SLC22A15: variants seen among roughly 807,000 people sequenced by gnomAD.
The protein encoded by SLC22A15 is solute carrier family 22 member 15, also known as flipt 1.
A neutral mutation model predicts 62.7 loss-of-function variants in SLC22A15; 45 were observed. That is an observed-to-expected ratio of 0.72 (90% CI 0.56 to 0.92). The LOEUF is 0.92. Ranked by LOEUF, SLC22A15 falls within the 40% of genes least tolerant of loss-of-function variation. The pLI is 0.00. For missense variants in SLC22A15, 622 were observed against 665.6 expected (o/e 0.93, Z 0.72); for synonymous variants, 264 against 267.0 (o/e 0.99, Z 0.11).
intron 11 of SLC22A15, 40 bp downstream of exon 11, chr1:116,066,748 G>A (rs1320829985): frequency 1.3e-6 from 2 of 1,532,344 alleles, no homozygotes; most frequent in South Asian, 1.2e-5. Context: ...CTTGGATAGT[G>A]GCAGTTAATG....
chr1:116,052,500 C>T (rs145886341), intron 8 of SLC22A15, among the ~76,000 whole-genome samples: 6,684 of 152,314 alleles, frequency 0.044, 189 homozygotes, highest in African/African-American at 0.07. Context: ...CAGCAGCAAC[C>T]TCTGCAAACT....
At chr1:116,052,351 G>A (rs534897930) in intron 8 of SLC22A15, among the ~76,000 whole-genome samples, 3 of 152,280 alleles carry the variant, frequency 2.0e-5, no homozygotes, top group South Asian at 2.1e-4. Flanking sequence ...GGGGAGGGGC[G>A]CCCGCCATTG....
At chr1:116,054,369 T>C (rs1658143014) in intron 8 of SLC22A15, among the ~76,000 whole-genome samples, 1 of 151,642 alleles carries the variant, frequency 6.6e-6, no homozygotes, top group Non-Finnish European at 1.5e-5. Flanking sequence ...CCTAAATATA[T>C]ATGCACCCAA....
At chr1:115,994,181 C>G (rs932326694) in intron 2 of SLC22A15, among the ~76,000 whole-genome samples, 22 of 146,878 alleles carry the variant, frequency 1.5e-4, no homozygotes, top group African/African-American at 6.0e-4. Context: ...ACCAGCCCCA[C>G]CACCACCACC....
At chr1:116,037,784 G>A (rs1352033036) in intron 8 of SLC22A15, among the ~76,000 whole-genome samples, 1 of 152,140 alleles carries the variant, frequency 6.6e-6, no homozygotes, top group Non-Finnish European at 1.5e-5. Flanking sequence ...TCTCAAAGGT[G>A]GCTTTGGTAC....
At chr1:116,041,350 A>T (rs919563231) in intron 8 of SLC22A15, among the ~76,000 whole-genome samples, 6 of 152,218 alleles carry the variant, frequency 3.9e-5, no homozygotes, top group East Asian at 3.8e-4. Context: ...ATAATAATAA[A>T]AATCAGTACT....
chr1:116,049,648 T>C (rs1658004020), intron 8 of SLC22A15, among the ~76,000 whole-genome samples: 1 of 151,786 alleles, frequency 6.6e-6, no homozygotes, highest in Non-Finnish European at 1.5e-5. Flanking sequence ...TCAAAAAGAC[T>C]GAAAGAGTAC....
chr1:116,056,218 C>T (rs1187359874), intron 8 of SLC22A15, among the ~76,000 whole-genome samples: 2 of 152,056 alleles, frequency 1.3e-5, no homozygotes, highest in South Asian at 4.1e-4. Flanking sequence ...TCTCAGGATA[C>T]CAAATCAAAG....
intron 8 of SLC22A15, among the ~76,000 whole-genome samples, chr1:116,061,968 G>A (rs1014295638): frequency 2.0e-5 from 3 of 152,128 alleles, no homozygotes; most frequent in African/African-American, 7.2e-5. Flanking sequence ...CAGCACTTTG[G>A]AAGGCTGAGG....
At chr1:115,989,807 A>C (rs1321828381) in intron 1 of SLC22A15, among the ~76,000 whole-genome samples, 1 of 152,104 alleles carries the variant, frequency 6.6e-6, no homozygotes, top group South Asian at 2.1e-4. Flanking sequence ...ATATGTTAAC[A>C]TATATTCAAA....
chr1:115,990,834 C>A (rs537038686), intron 1 of SLC22A15, among the ~76,000 whole-genome samples: 1 of 152,092 alleles, frequency 6.6e-6, no homozygotes, highest in Admixed American at 6.5e-5. Context: ...CTCAGCTCAC[C>A]GCAACTTCCA....
In SLC22A15 at chr1:116,026,989, A is replaced by G; in HGVS notation, c.695A>G (p.Asn232Ser). Residue 232 changes from asparagine to serine, a missense_variant, in exon 5 of 12, where the codon AAC becomes AGC. By Grantham distance (46) the Asn-to-Ser change is conservative (BLOSUM62 1). Coordinates refer to ENST00000369503, the MANE Select transcript of SLC22A15 (RefSeq NM_018420.3). ...TGGAGGACCCTAGCCATTCTGGTTA[A>G]CCTGCAGGGAACGGTGGTCTTTCTC... ...RSWRTLAILV[N>S]LQGTVVFLLS... The G allele has an allele frequency of 6.2e-7, 1 of 1,613,900 alleles. No homozygotes were observed. Among genetic ancestry groups the G allele is most frequent in the Non-Finnish European group, 8.5e-7 (1 of 1,179,820 alleles).
At chr1:116,039,657 C>T (rs12074690) in intron 8 of SLC22A15, among the ~76,000 whole-genome samples, 147,174 of 152,256 alleles carry the variant, frequency 0.97, 71,340 homozygotes, top group East Asian at 1. Context: ...TCCACTACCA[C>T]TGAGCCATTG....
chr1:115,978,379 A>G (rs1050645885), intron 1 of SLC22A15, among the ~76,000 whole-genome samples: 4 of 152,216 alleles, frequency 2.6e-5, no homozygotes, highest in African/African-American at 9.6e-5. Context: ...CCAGTTAGTT[A>G]GAGTTTGCTA....
At chr1:115,979,357 A>G (rs180734744) in intron 1 of SLC22A15, among the ~76,000 whole-genome samples, 20 of 152,330 alleles carry the variant, frequency 1.3e-4, no homozygotes, top group Admixed American at 7.8e-4. Context: ...CAACTTTGAG[A>G]TAACTAAAGA....
chr1:116,067,113 C>T lies in SLC22A15; in HGVS notation c.*5C>T. Reference sequence around the variant, plus strand: ...GAGACTCAGATGATCAAGTGAAGAGCCCCAGATTCCCCCTAAGAAGCAAAG... The same window carrying T: ...GAGACTCAGATGATCAAGTGAAGAGTCCCAGATTCCCCCTAAGAAGCAAAG... On this transcript the variant is annotated 3_prime_UTR_variant, in exon 12 of 12. Coordinates refer to ENST00000369503, the MANE Select transcript of SLC22A15 (RefSeq NM_018420.3). 1 of 1,604,712 alleles carries T rather than the reference C, an allele frequency of 6.2e-7. No homozygotes were observed. Among genetic ancestry groups the T allele is most frequent in the Non-Finnish European group, 8.5e-7 (1 of 1,174,450 alleles).
chr1:116,067,071 T>C lies in SLC22A15; in HGVS notation c.1607T>C (p.Phe536Ser). The change falls in exon 12 of 12, where the codon TTT becomes TCT. Residue 536 changes from phenylalanine to serine, a missense_variant. Phe to Ser is a radical substitution (Grantham distance 155). Transcript: ENST00000369503. ...AGTGAGAGTGAGGAAGAGGAAGAAT[T>C]TTATGATGCAGATGAAGAGACTCAG... ...LGSESEEEEE[F>S]YDADEETQMI... The C allele has an allele frequency of 6.2e-7, 1 of 1,612,622 alleles. No individual in the cohort carries two copies. Among genetic ancestry groups the C allele is most frequent in the Non-Finnish European group, 8.5e-7 (1 of 1,179,466 alleles).
At chr1:116,010,734 G>A (rs79819633) in intron 2 of SLC22A15, among the ~76,000 whole-genome samples, 7,319 of 152,232 alleles carry the variant, frequency 0.048, 275 homozygotes, top group Admixed American at 0.11. Context: ...AGACCATAGC[G>A]ACTCTCTGAT....
chr1:116,019,734 A>G lies in SLC22A15; in HGVS notation c.433+20A>G, dbSNP rs967088139. On this transcript the variant is annotated intron_variant, in intron 3 of 11. Transcript: ENST00000369503. ...TCACAGGTAATCTATTAGAGTATTC[A>G]TAAACTGGATGAGAGGGCTTATTTC... is the stretch of plus-strand genomic sequence containing the variant. 2.5e-6 allele frequency: 4 copies of G among 1,597,278 alleles called. No homozygotes were observed. In the African/African-American group the frequency reaches 4.1e-5, roughly 16 times the overall value.
Sources: gnomAD v4.1 joint callset for allele counts (sites outside exome capture counted in the v4.1 genomes callset) on GRCh38, gnomAD v4.1.1 for gene constraint, MANE v1.5 for transcripts, NCBI Gene and HGNC (gene_info 2026-07-23, HGNC 2026-07-21) for gene names.